MPP3: variants seen among roughly 807,000 people sequenced by gnomAD.
MPP3 encodes the protein MAGUK p55 subfamily member 3.
In MPP3, 48 loss-of-function variants were observed where a neutral mutation model predicts 80.7. The ratio of observed to expected loss-of-function variants is 0.59; its 90% CI spans 0.47 to 0.76. MPP3 has a LOEUF of 0.76. MPP3 is among the 30% of genes least tolerant of loss of function. The pLI is 0.00. For missense variants in MPP3, 620 were observed against 763.0 expected (o/e 0.81, Z 2.21); for synonymous variants, 311 against 297.6 (o/e 1.04, Z -0.46).
intron 19 of MPP3, 83 bp downstream of exon 19, chr17:43,808,873 C>T (rs1736362697): frequency 1.4e-6 from 2 of 1,466,308 alleles, no homozygotes; most frequent in African/African-American, 1.4e-5. Context: ...TCTTCAGCTG[C>T]AAGCACCCTT....
chr17:43,805,183 G>A (rs1172341495), intron 19 of MPP3, among the ~76,000 whole-genome samples: 1 of 152,090 alleles, frequency 6.6e-6, no homozygotes, highest in Non-Finnish European at 1.5e-5. Context: ...ATTTCTCCAA[G>A]AAAGATATAA....
chr17:43,829,836 A>G (rs1450588428), intron 6 of MPP3, 45 bp from the exon 7 acceptor site: 1 of 1,611,730 alleles, frequency 6.2e-7, no homozygotes, highest in Non-Finnish European at 8.5e-7. Context: ...CGCCGCTCAC[A>G]GGGTCAGCAG....
In MPP3 at chr17:43,823,960, G is replaced by T; in HGVS notation, c.655C>A (p.Gln219Lys). The stretch of plus-strand genomic sequence containing the variant: ...CTCTCCTTTAAGCGATCTTCCTCCT[G>T]GGTGGCTGGGATGATTTTTAGGGTG... ...SITLKIIPAT[Q>K]EEDRLKESKV... The change falls in exon 10 of 20, where the codon CAG becomes AAG. Residue 219 changes from glutamine (Q) to lysine (K), a missense_variant. Coordinates refer to ENST00000398389, the MANE Select transcript of MPP3 (RefSeq NM_001932.6). 1 of 1,609,874 alleles carries T rather than the reference G, an allele frequency of 6.2e-7. No individual in the cohort carries two copies. Among genetic ancestry groups the T allele is most frequent in the Non-Finnish European group, 8.5e-7 (1 of 1,178,306 alleles).
chr17:43,828,505 T>C (rs2045817539), intron 7 of MPP3, among the ~76,000 whole-genome samples: 1 of 152,240 alleles, frequency 6.6e-6, no homozygotes, highest in African/African-American at 2.4e-5. Context: ...GCATGTGGAC[T>C]TAACAAGGAA....
intron 5 of MPP3, 98 bp from the exon 6 acceptor site, chr17:43,830,205 C>G: frequency 1.2e-6 from 1 of 822,644 alleles, no homozygotes; most frequent in South Asian, 2.3e-5. Flanking sequence ...CAGCTGCAGC[C>G]CCCAGGGGCA....
At chr17:43,809,264 T>A (rs1028453999) in intron 18 of MPP3, among the ~76,000 whole-genome samples, 186 bp from the exon 19 acceptor site, 5 of 152,156 alleles carry the variant, frequency 3.3e-5, no homozygotes, top group Non-Finnish European at 7.3e-5. Context: ...ATCCTTCACT[T>A]TGACGTTGAA....
At chr17:43,819,568 T>C (rs542327829) in intron 11 of MPP3, among the ~76,000 whole-genome samples, 14 of 152,296 alleles carry the variant, frequency 9.2e-5, no homozygotes, top group African/African-American at 3.4e-4. Context: ...ATAAACTGTG[T>C]GTTTGAAGAG....
At chr17:43,821,501 G>A (rs555579067) in intron 10 of MPP3, among the ~76,000 whole-genome samples, 6 of 152,128 alleles carry the variant, frequency 3.9e-5, no homozygotes, top group Non-Finnish European at 8.8e-5. Flanking sequence ...TAGATGTTTG[G>A]GTAAGAACAC....
At chr17:43,811,297 C>T in intron 16 of MPP3, 92 bp from the exon 17 acceptor site, 1 of 953,292 alleles carries the variant, frequency 1.0e-6, no homozygotes, top group Admixed American at 1.8e-5. Flanking sequence ...TGGGAGTTCA[C>T]TGCTGCTGTG....
chr17:43,813,369 G>A (rs1027598703), intron 16 of MPP3, among the ~76,000 whole-genome samples: 19 of 152,184 alleles, frequency 1.2e-4, no homozygotes, highest in African/African-American at 4.3e-4. Flanking sequence ...GAGGGCTGAC[G>A]CAGGGCACTA....
At position 43,831,687 on chromosome 17, in the gene MPP3, G is replaced by T; in HGVS notation, c.26-10C>A. On this transcript the variant is annotated splice_polypyrimidine_tract_variant and intron_variant, in intron 3 of 19. Transcript: ENST00000398389. The stretch of plus-strand genomic sequence containing the variant: ...AGGGTTTCATGCAAACCTGGGGAGA[G>T]GTGAGAAAAACAAAGGATAGCAAAC... The T allele has an allele frequency of 6.3e-7, 1 of 1,597,746 alleles. No homozygotes were observed. The highest frequency in any genetic ancestry group is 1.3e-5 in the African/African-American group (1 of 74,386).
chr17:43,821,196 A>G (rs2045444804), intron 10 of MPP3, 138 bp from the exon 11 acceptor site: 1 of 725,106 alleles, frequency 1.4e-6, no homozygotes. Flanking sequence ...AGCTACTTGG[A>G]AATACACTGC....
intron 19 of MPP3, 100 bp from the exon 20 acceptor site, chr17:43,801,977 T>C: frequency 8.1e-7 from 1 of 1,235,074 alleles, no homozygotes; most frequent in South Asian, 1.5e-5. Context: ...AACTTTTAAG[T>C]GATGAGTGGA....
intron 19 of MPP3, among the ~76,000 whole-genome samples, chr17:43,803,483 A>C (rs537473720): frequency 6.6e-6 from 1 of 152,200 alleles, no homozygotes; most frequent in South Asian, 2.1e-4. Context: ...ATCACATAGG[A>C]AAGATTCCCC....
At chr17:43,830,346 C>CA (rs1327014206) in intron 5 of MPP3, among the ~76,000 whole-genome samples, 1 of 152,212 alleles carries the variant, frequency 6.6e-6, no homozygotes, top group Non-Finnish European at 1.5e-5. Context: ...TTATGTGGAT[C>CA]TTCTCACTGA....
Position 43,818,063 on chromosome 17 carries a change from C to G in MPP3, c.929G>C (p.Ser310Thr). ...RAAGTLPSPQSLRKPPYDQPC... is the reference protein window; with the variant it reads ...RAAGTLPSPQTLRKPPYDQPC... Reference sequence around the variant, plus strand: ...CTACTCACAGGGGGGCTTCCTGAGGCTCTGGGGGCTCGGCAGGGTGCCCGC... The same window carrying G: ...CTACTCACAGGGGGGCTTCCTGAGGGTCTGGGGGCTCGGCAGGGTGCCCGC... Residue 310 changes from serine (S) to threonine (T), a missense_variant, in exon 12 of 20, where the codon AGC (serine) becomes ACC (threonine). Physicochemically the swap from Ser to Thr is moderately conservative, Grantham distance 58 (BLOSUM62 1). Coordinates refer to ENST00000398389, the MANE Select transcript of MPP3 (RefSeq NM_001932.6). 4 of 1,580,818 alleles carry G rather than the reference C, an allele frequency of 2.5e-6. No homozygotes were observed. Among genetic ancestry groups the G allele is most frequent in the Non-Finnish European group, 3.4e-6 (4 of 1,162,660 alleles).
intron 16 of MPP3, among the ~76,000 whole-genome samples, chr17:43,812,010 C>T (rs1425352721): frequency 6.6e-6 from 1 of 152,184 alleles, no homozygotes; most frequent in Non-Finnish European, 1.5e-5. Context: ...CTGATGTATG[C>T]TTTTAATTCT....
chr17:43,813,667 G>A (rs370142339), intron 16 of MPP3, among the ~76,000 whole-genome samples: 5 of 152,256 alleles, frequency 3.3e-5, no homozygotes, highest in African/African-American at 1.2e-4. Context: ...GCGGCCACAG[G>A]AGTCAAAATT....
intron 11 of MPP3, 142 bp downstream of exon 11, chr17:43,820,718 AAC>A (rs2045409124): frequency 1.4e-6 from 1 of 691,938 alleles, no homozygotes; most frequent in Non-Finnish European, 2.5e-6. Flanking sequence ...GAAAAGACCA[AAC>A]ACAAGTGCAA....
Sources: gnomAD v4.1 joint callset for allele counts (sites outside exome capture counted in the v4.1 genomes callset) on GRCh38, gnomAD v4.1.1 for gene constraint, MANE v1.5 for transcripts, NCBI Gene and HGNC (gene_info 2026-07-23, HGNC 2026-07-21) for gene names.